SLC39A10: variants seen among roughly 807,000 people sequenced by gnomAD.
The protein encoded by SLC39A10 is solute carrier family 39 member 10.
Under a neutral mutation model 65.1 loss-of-function variants are expected in SLC39A10, and 13 were observed. That is an observed-to-expected ratio of 0.20 (90% confidence interval 0.13 to 0.32). The LOEUF (loss-of-function observed/expected upper bound fraction) is 0.32, where lower values mean the gene tolerates loss of function less well. Among genes scored for constraint, SLC39A10 ranks in the 10% least tolerant of loss-of-function variants. The pLI, the probability that SLC39A10 is intolerant of heterozygous loss-of-function variation, is 1.00. For synonymous variants in SLC39A10, 321 were observed against 342.2 expected (o/e 0.94, Z 0.68); for missense variants, 831 against 1,018.4 (o/e 0.82, Z 2.50).
At chr2:195,649,446 T>C (rs1199646224) in intron 2 of SLC39A10, among the ~76,000 whole-genome samples, 2 of 152,244 alleles carry the variant, frequency 1.3e-5, no homozygotes, top group Non-Finnish European at 2.9e-5. Context: ...TTTTAGAAGA[T>C]GTACTTGATT....
intron 2 of SLC39A10, among the ~76,000 whole-genome samples, chr2:195,615,598 A>G (rs1036001065): frequency 1.3e-5 from 2 of 152,188 alleles, no homozygotes; most frequent in African/African-American, 4.8e-5. Context: ...GATGATGGTA[A>G]TGTGCAGTCA....
chr2:195,671,264 CTT>C (rs1689847094), intron 1 of SLC39A10, among the ~76,000 whole-genome samples: 1 of 152,200 alleles, frequency 6.6e-6, no homozygotes, highest in South Asian at 2.1e-4. Flanking sequence ...TAGCCCCACT[CTT>C]AATGCAGAAA....
chr2:195,681,380 G>GT lies in SLC39A10; in HGVS notation c.1008+330_1008+331insT, dbSNP rs1178188297. Among the ~76,000 whole-genome samples the GT allele has an allele frequency of 2.0e-5, 3 of 152,010 alleles. No individual in the cohort carries two copies. In the South Asian group the frequency reaches 6.2e-4, roughly 32 times the overall value. On this transcript the variant is annotated intron_variant, in intron 2 of 9. Transcript: ENST00000359634. ...TCTCTACTAAAAATACAAAAAATTA[G>GT]CGGGGCATGGTGGCGGGCGCCTGTA...
In SLC39A10 at chr2:195,683,885, G is replaced by T; in HGVS notation, c.1195G>T (p.Glu399Ter). ...NKDKNLVPED[E>*]ANIGASAWIC... The stretch of plus-strand genomic sequence containing the variant: ...GGATAAAAACCTGGTTCCTGAAGAT[G>T]AGGCAAATATAGGGGCATCAGGTAA... Residue 399 changes from glutamate (E) to a stop codon, truncating the protein, a stop_gained, in exon 3 of 10, where the codon GAG becomes TAG. Coordinates refer to ENST00000359634, the MANE Select transcript of SLC39A10 (RefSeq NM_020342.3). LOFTEE classifies it high-confidence loss of function. 3.1e-6 allele frequency: 5 copies of T among 1,612,392 alleles called. No homozygotes were observed. The highest frequency in any genetic ancestry group is 4.2e-6 in the Non-Finnish European group (5 of 1,179,178).
chr2:195,622,630 T>C (rs545413336), intron 2 of SLC39A10, among the ~76,000 whole-genome samples: 14 of 152,226 alleles, frequency 9.2e-5, no homozygotes, highest in Admixed American at 8.5e-4. Flanking sequence ...AGAGCTCAAA[T>C]GTTTGAGGGA....
intron 2 of SLC39A10, among the ~76,000 whole-genome samples, chr2:195,636,322 T>C (rs2105701329): frequency 6.6e-6 from 1 of 152,352 alleles, no homozygotes; most frequent in Non-Finnish European, 1.5e-5. Flanking sequence ...TGTAAAATAT[T>C]GTTATATCAT....
chr2:195,713,933 T>C (rs1355817996), intron 6 of SLC39A10, among the ~76,000 whole-genome samples: 1 of 106,352 alleles, frequency 9.4e-6, no homozygotes, highest in Admixed American at 8.6e-5. Flanking sequence ...GACAAAGACT[T>C]TTTTTTTTTT....
chr2:195,631,900 A>G, intron 2 of SLC39A10, among the ~76,000 whole-genome samples: 1 of 152,042 alleles, frequency 6.6e-6, no homozygotes, highest in African/African-American at 2.4e-5. Context: ...TAATTTATTT[A>G]TTTATTGAGA....
chr2:195,648,874 T>C (rs1351337085), intron 2 of SLC39A10, among the ~76,000 whole-genome samples: 1 of 152,224 alleles, frequency 6.6e-6, no homozygotes, highest in East Asian at 1.9e-4. Flanking sequence ...AGCATTTAAA[T>C]GGTGCCTGGC....
intron 8 of SLC39A10, among the ~76,000 whole-genome samples, chr2:195,724,491 T>C (rs1280664313): frequency 6.6e-6 from 1 of 152,154 alleles, no homozygotes; most frequent in Non-Finnish European, 1.5e-5. Context: ...AATGAAATAA[T>C]TCACTTGATA....
intron 2 of SLC39A10, among the ~76,000 whole-genome samples, chr2:195,645,796 C>T (rs939960509): frequency 1.3e-5 from 2 of 152,014 alleles, no homozygotes; most frequent in African/African-American, 4.8e-5. Context: ...TAATGTATTA[C>T]CTTGATCAAA....
chr2:195,700,715 T>C (rs1691144517), intron 3 of SLC39A10, among the ~76,000 whole-genome samples: 1 of 152,232 alleles, frequency 6.6e-6, no homozygotes, highest in Non-Finnish European at 1.5e-5. Context: ...TTTTGTTTTT[T>C]CATTTAGGAC....
At chr2:195,625,811 A>C (rs1031523730) in intron 2 of SLC39A10, among the ~76,000 whole-genome samples, 3 of 152,136 alleles carry the variant, frequency 2.0e-5, no homozygotes, top group Admixed American at 1.3e-4. Context: ...ACACTTAACC[A>C]CATTTTTCTT....
chr2:195,614,610 C>G (rs921343008), intron 2 of SLC39A10, among the ~76,000 whole-genome samples: 1 of 152,080 alleles, frequency 6.6e-6, no homozygotes. Context: ...TATCAAAAAA[C>G]CCCCTTAAAA....
At chr2:195,712,710 C>T (rs1209765461) in intron 5 of SLC39A10, among the ~76,000 whole-genome samples, 1 of 152,094 alleles carries the variant, frequency 6.6e-6, no homozygotes, top group East Asian at 1.9e-4. Flanking sequence ...ACTGTGAAGA[C>T]ATACAGTAAG....
intron 9 of SLC39A10, among the ~76,000 whole-genome samples, chr2:195,731,078 T>C (rs2105849315): frequency 6.6e-6 from 1 of 152,348 alleles, no homozygotes; most frequent in East Asian, 1.9e-4. Context: ...TTTTAAGCCA[T>C]AGATCACATC....
At chr2:195,706,050 T>G (rs1323067467) in intron 3 of SLC39A10, among the ~76,000 whole-genome samples, 1 of 151,986 alleles carries the variant, frequency 6.6e-6, no homozygotes, top group Admixed American at 6.6e-5. Context: ...AGAAAAAAAA[T>G]CAAGAAAAAT....
Position 195,708,797 on chromosome 2 carries a change from A to G in SLC39A10, c.1528A>G (p.Ile510Val), listed in dbSNP as rs745814507. ...TCTAGGAGGCATTTACTTGCTATTT[A>G]TCATTGAACACTGCATTAGAATGTT... is the stretch of plus-strand genomic sequence containing the variant. ...VALGGIYLLF[I>V]IEHCIRMFKH... is the part of the protein sequence containing the mutation. The change falls in exon 5 of 10, where the codon ATC becomes GTC. Residue 510 changes from isoleucine to valine, a missense_variant. Around this residue, in one of 4 missense-constraint regions of SLC39A10, gnomAD observed 230 missense variants for 242.9 expected, o/e 0.95. Transcript: ENST00000359634. 1 of 1,612,956 alleles carries G rather than the reference A, an allele frequency of 6.2e-7. No homozygotes were observed. The highest frequency in any genetic ancestry group is 8.5e-7 in the Non-Finnish European group (1 of 1,179,526).
chr2:195,663,713 AAAT>A (rs1408238972), intron 1 of SLC39A10, among the ~76,000 whole-genome samples: 2 of 36,532 alleles, frequency 5.5e-5, no homozygotes, highest in South Asian at 1.6e-3. Flanking sequence ...AAAAAAAAAG[AAAT>A]AAGAGAAAAG....
Sources: allele counts gnomAD v4.1 joint callset (sites outside exome capture counted in the v4.1 genomes callset), GRCh38; gene constraint gnomAD v4.1.1; regional missense constraint gnomAD v4.1.1; transcripts MANE v1.5; gene names NCBI Gene and HGNC (gene_info 2026-07-23, HGNC 2026-07-21).